The following THSD1 variants were observed in gnomAD, a reference collection of about 807,000 sequenced individuals.
THSD1 encodes thrombospondin type 1 domain containing 1.
THSD1 carries 34 observed loss-of-function variants against 46.3 expected under a neutral mutation model. The observed-to-expected ratio is 0.74, with a 90% CI of 0.56 to 0.98. The LOEUF is 0.98. Ranked by LOEUF, THSD1 falls within the 50% of genes least tolerant of loss-of-function variation. The pLI, the probability that THSD1 is intolerant of heterozygous loss-of-function variation, is 0.00. For missense variants in THSD1, 1,023 were observed against 1,058.3 expected (o/e 0.97, Z 0.46); for synonymous variants, 407 against 416.5 (o/e 0.98, Z 0.28).
chr13:52,401,549 C>T (rs9536064), intron 2 of THSD1, among the ~76,000 whole-genome samples: 9,282 of 150,562 alleles, frequency 0.062, 330 homozygotes, highest in African/African-American at 0.095. Flanking sequence ...TCCGCCCACC[C>T]CGGCCTCCCA....
chr13:52,384,810 TAAAGA>T (rs1037265266), intron 4 of THSD1, among the ~76,000 whole-genome samples: 1 of 151,522 alleles, frequency 6.6e-6, no homozygotes, highest in African/African-American at 2.4e-5. Context: ...AGAGGACTTA[TAAAGA>T]AAAGAGCAGA....
At chr13:52,379,785 G>A (rs982532385) in intron 4 of THSD1, among the ~76,000 whole-genome samples, 1 of 152,066 alleles carries the variant, frequency 6.6e-6, no homozygotes, top group Non-Finnish European at 1.5e-5. Flanking sequence ...AAATTTTCAA[G>A]ATAAAAGTCA....
chr13:52,389,101 C>T (rs1957754747), intron 3 of THSD1, among the ~76,000 whole-genome samples: 1 of 151,922 alleles, frequency 6.6e-6, no homozygotes, highest in South Asian at 2.1e-4. Context: ...GCTGGGATTA[C>T]AGGTGTGTAT....
intron 1 of THSD1, among the ~76,000 whole-genome samples, chr13:52,405,764 C>T (rs1441998233): frequency 6.6e-6 from 1 of 152,220 alleles, no homozygotes; most frequent in African/African-American, 2.4e-5. Context: ...TTTCAAGGTT[C>T]TGTGGCCAGT....
At chr13:52,388,164 A>C (rs1957747337) in intron 3 of THSD1, among the ~76,000 whole-genome samples, 1 of 150,918 alleles carries the variant, frequency 6.6e-6, no homozygotes, top group South Asian at 2.1e-4. Flanking sequence ...TACTGAAAGA[A>C]AAAGCTACCA....
chr13:52,396,259 C>T (rs1429181825), intron 3 of THSD1, among the ~76,000 whole-genome samples: 2 of 152,156 alleles, frequency 1.3e-5, no homozygotes, highest in East Asian at 1.9e-4. Context: ...CGCAGTGGCT[C>T]ATGCCTGTAA....
chr13:52,378,340 C>G lies in THSD1; in HGVS notation c.1630G>C (p.Gly544Arg). 1 of 1,614,188 alleles carries G rather than the reference C, an allele frequency of 6.2e-7. No homozygotes were observed. The highest frequency in any genetic ancestry group is 1.1e-5 in the South Asian group (1 of 91,082). The change falls in exon 5 of 5, where the codon GGT becomes CGT. Residue 544 changes from glycine to arginine, a missense_variant. Physicochemically the swap from Gly to Arg is moderately radical, Grantham distance 125. Around this residue, in one of 3 missense-constraint regions of THSD1, gnomAD observed 578 missense variants for 497.4 expected, o/e 1.16. Coordinates refer to ENST00000258613, the MANE Select transcript of THSD1 (RefSeq NM_018676.4). ...TACACTTTGGTAGTTTCCGTCAGAC[C>G]TTTCTTTTTCATCTCCTTTAACTGC... Reference protein sequence around the residue: ...QQQLKEMKKKGLTETTKVYHV... With the variant: ...QQQLKEMKKKRLTETTKVYHV...
Position 52,378,126 on chromosome 13 carries a change from C to G in THSD1, c.1844G>C (p.Ser615Thr). 6.2e-7 allele frequency: 1 copy of G among 1,614,220 alleles called. No homozygotes were observed. The highest frequency in any genetic ancestry group is 8.5e-7 in the Non-Finnish European group (1 of 1,180,032). ...AGTCTGGCTGGGGCTTATGGCACAA[C>G]TGGCCTGAGTCACATTTAGATCCAG... ...SRLDLNVTQA[S>T]CAISPSQTLI... Residue 615 changes from serine to threonine, a missense_variant, in exon 5 of 5, where the codon AGT becomes ACT. This residue lies in a region of THSD1 where 578 missense variants were observed against 497.4 expected (regional missense o/e 1.16). Transcript: ENST00000258613.
At chr13:52,401,332 C>T (rs1007464433) in intron 2 of THSD1, among the ~76,000 whole-genome samples, 2 of 148,126 alleles carry the variant, frequency 1.4e-5, no homozygotes, top group Admixed American at 1.4e-4. Context: ...CAGAGTCTCG[C>T]TCTGTCACCC....
chr13:52,394,828 A>G (rs1957800228), intron 3 of THSD1, among the ~76,000 whole-genome samples: 1 of 152,178 alleles, frequency 6.6e-6, no homozygotes, highest in East Asian at 1.9e-4. Context: ...CCACCAAATG[A>G]GCTTCCCCCA....
chr13:52,389,320 A>C (rs1957756452), intron 3 of THSD1, among the ~76,000 whole-genome samples: 3 of 152,210 alleles, frequency 2.0e-5, no homozygotes, highest in Admixed American at 6.5e-5. Flanking sequence ...AAAGTAAACC[A>C]TTAAAATATT....
chr13:52,393,571 T>C (rs1247915930), intron 3 of THSD1, among the ~76,000 whole-genome samples: 1 of 152,122 alleles, frequency 6.6e-6, no homozygotes, highest in Non-Finnish European at 1.5e-5. Context: ...GGCAGGAGAA[T>C]TGCTAGAACC....
At chr13:52,403,938 ATTTTTTTT>A (rs67802176) in intron 1 of THSD1, among the ~76,000 whole-genome samples, 25 of 63,920 alleles carry the variant, frequency 3.9e-4, no homozygotes, top group African/African-American at 9.4e-4. Context: ...CATTATTCAC[ATTTTTTTT>A]TTTTTTTTTT....
intron 1 of THSD1, 22 bp downstream of exon 1, chr13:52,406,009 G>C (rs1957903225): frequency 1.3e-5 from 2 of 152,312 alleles, no homozygotes; most frequent in Admixed American, 1.3e-4. Context: ...GCGAACACCA[G>C]GATGCGGAGG....
Position 52,398,125 on chromosome 13 carries a change from T to G in THSD1, c.128A>C (p.Tyr43Ser). The G allele has an allele frequency of 6.2e-7, 1 of 1,614,232 alleles. No individual in the cohort carries two copies. The highest frequency in any genetic ancestry group is 1.3e-5 in the African/African-American group (1 of 75,052). ...GHVALSNDTV[Y>S]VDFQYFDGAN... is the part of the protein sequence containing the mutation. ...ACCATCAAAATACTGGAAATCCACA[T>G]ACACTGTGTCGTTGCTTAGTGCTAC... Residue 43 changes from tyrosine (Y) to serine (S), a missense_variant, in exon 3 of 5, where the codon TAT becomes TCT. By Grantham distance (144) the Tyr-to-Ser change is moderately radical (BLOSUM62 -2). This residue lies in a region of THSD1 where 429 missense variants were observed against 518.3 expected (regional missense o/e 0.83). Transcript: ENST00000258613.
intron 1 of THSD1, among the ~76,000 whole-genome samples, chr13:52,404,815 T>A (rs544454087): frequency 6.6e-6 from 1 of 152,312 alleles, no homozygotes; most frequent in South Asian, 2.1e-4. Flanking sequence ...AAGCCCCAAA[T>A]CATTACTGAT....
chr13:52,385,209 T>G (rs1306176602), intron 4 of THSD1, among the ~76,000 whole-genome samples: 1 of 152,176 alleles, frequency 6.6e-6, no homozygotes, highest in East Asian at 1.9e-4. Flanking sequence ...AATGACAAGA[T>G]AAAATCCTTG....
intron 3 of THSD1, among the ~76,000 whole-genome samples, chr13:52,392,979 G>C (rs975824306): frequency 6.6e-6 from 1 of 151,910 alleles, no homozygotes; most frequent in Non-Finnish European, 1.5e-5. Context: ...GTAAGTTAAG[G>C]AGGAAAAAAC....
chr13:52,394,211 T>G (rs1217829640), intron 3 of THSD1, among the ~76,000 whole-genome samples: 3 of 152,272 alleles, frequency 2.0e-5, no homozygotes, highest in African/African-American at 7.2e-5. Flanking sequence ...GTGGCCCTCC[T>G]GCCCCCATGT....
Sources: gnomAD v4.1 joint callset for allele counts (sites outside exome capture counted in the v4.1 genomes callset) on GRCh38, gnomAD v4.1.1 for gene constraint, gnomAD v4.1.1 regional missense constraint, MANE v1.5 for transcripts, NCBI Gene and HGNC (gene_info 2026-07-23, HGNC 2026-07-21) for gene names.